Variants in SGO2 observed in about 807,000 individuals in gnomAD.
SGO2 encodes the protein shugoshin-like 2.
Under a neutral mutation model 99.5 loss-of-function variants are expected in SGO2, and 68 were observed. The ratio of observed to expected loss-of-function variants is 0.68; its 90% CI spans 0.56 to 0.84. The LOEUF (loss-of-function observed/expected upper bound fraction) is 0.84, where lower values mean the gene tolerates loss of function less well. Among genes scored for constraint, SGO2 ranks in the 40% least tolerant of loss-of-function variants. SGO2 has a pLI of 0.00. For missense variants in SGO2, 1,350 were observed against 1,436.7 expected (o/e 0.94, Z 0.97); for synonymous variants, 457 against 487.1 (o/e 0.94, Z 0.81).
chr2:200,557,777 C>T (rs2032775660), intron 5 of SGO2, among the ~76,000 whole-genome samples: 1 of 151,760 alleles, frequency 6.6e-6, no homozygotes, highest in African/African-American at 2.4e-5. Context: ...CCCTAACCTC[C>T]TAATATATAG....
chr2:200,569,298 T>G (rs1307712692), intron 5 of SGO2, among the ~76,000 whole-genome samples: 1 of 152,150 alleles, frequency 6.6e-6, no homozygotes, highest in Non-Finnish European at 1.5e-5. Context: ...GGAAGATTTT[T>G]GGGTATTACA....
chr2:200,534,991 T>C lies in SGO2; in HGVS notation c.134-5T>C, dbSNP rs757831843. Reference sequence around the variant, plus strand: ...TATTAACTCATTTTAAAAATCTTTTTACAGATAATTCTTCTATTTTCAAAA... The same window carrying C: ...TATTAACTCATTTTAAAAATCTTTTCACAGATAATTCTTCTATTTTCAAAA... On this transcript the variant is annotated splice_region_variant and splice_polypyrimidine_tract_variant and intron_variant, in intron 2 of 8. Transcript: ENST00000357799. 6.6e-7 allele frequency: 1 copy of C among 1,513,366 alleles called. No individual in the cohort carries two copies. Among genetic ancestry groups the C allele is most frequent in the South Asian group, 1.3e-5 (1 of 75,420 alleles). 93.7% of individuals were successfully genotyped at this position (1,513,366 alleles called of 1,614,324 possible).
chr2:200,538,521 G>T (rs2031808474), intron 4 of SGO2, among the ~76,000 whole-genome samples: 1 of 152,090 alleles, frequency 6.6e-6, no homozygotes, highest in Admixed American at 6.6e-5. Context: ...TGACAATTTT[G>T]TTTATTGTTC....
chr2:200,565,753 A>G (rs2033162048), intron 5 of SGO2, among the ~76,000 whole-genome samples: 1 of 151,982 alleles, frequency 6.6e-6, no homozygotes, highest in African/African-American at 2.4e-5. Context: ...TGGAGGCTTT[A>G]TTCATTTCTT....
Position 200,533,651 on chromosome 2 carries a change from A to C in SGO2, c.133+543A>C, listed in dbSNP as rs369672768. 5.9e-5 allele frequency among the ~76,000 whole-genome samples: 9 copies of C among 151,914 alleles called. No individual in the cohort carries two copies. In the East Asian group the frequency reaches 1.7e-3, roughly 29 times the overall value. ...AAGGCATCAGAAGGGCAAAAAAAAA[A>C]GGAGGTGGGAAAACTCCCCAAGATA... On this transcript the variant is annotated intron_variant, in intron 2 of 8. Transcript: ENST00000357799.
chr2:200,552,417 A>T (rs935475873), intron 5 of SGO2, among the ~76,000 whole-genome samples: 1 of 152,106 alleles, frequency 6.6e-6, no homozygotes, highest in Non-Finnish European at 1.5e-5. Flanking sequence ...TTTACTAGTA[A>T]AGTTAAGGAA....
At position 200,571,474 on chromosome 2, in the gene SGO2, C is replaced by T; in HGVS notation, c.1128C>T (p.Val376=). The T allele has an allele frequency of 1.2e-6, 2 of 1,610,024 alleles. No individual in the cohort carries two copies. Among genetic ancestry groups the T allele is most frequent in the Non-Finnish European group, 1.7e-6 (2 of 1,178,934 alleles). Reference sequence around the variant, plus strand: ...CTGCTAGTGAAGTCAGCAAAATTGTCACAGTCTCAACAGGCATTAAAAAGA... The same window carrying T: ...CTGCTAGTGAAGTCAGCAAAATTGTTACAGTCTCAACAGGCATTAAAAAGA... ...DLTASEVSKI[V]TVSTGIKKKS... The change falls in exon 7 of 9, where the codon GTC becomes GTT. Residue 376 remains valine (V), a synonymous_variant. Transcript: ENST00000357799.
At position 200,569,696 on chromosome 2, in the gene SGO2, A is replaced by G. The variant is rs772124643; in HGVS notation, c.507A>G (p.Glu169=). The change falls in exon 6 of 9, where the codon GAA becomes GAG. Residue 169 remains glutamate, a synonymous_variant. Transcript: ENST00000357799. The stretch of plus-strand genomic sequence containing the variant: ...TAACTTCAAATGATGATGAAGATGA[A>G]GATAAAGAGAAAATGCAGTGTGACA... The part of the protein sequence containing the change: ...VPLTSNDDED[E]DKEKMQCDNN... The G allele has an allele frequency of 7.5e-6, 12 of 1,610,644 alleles. No individual in the cohort carries two copies. In the South Asian group the frequency reaches 1.3e-4, roughly 18 times the overall value.
intron 7 of SGO2, among the ~76,000 whole-genome samples, chr2:200,574,383 G>A (rs939127706): frequency 5.9e-5 from 9 of 151,934 alleles, no homozygotes; most frequent in East Asian, 1.9e-4. Context: ...ATTCAACAAC[G>A]TATATTTAAT....
chr2:200,569,684 T>TGATGAA lies in SGO2; in HGVS notation c.505_510dup (p.Glu169_Asp170dup). On this transcript the variant is annotated inframe_insertion, in exon 6 of 9. Transcript: ENST00000357799. Reference sequence around the variant, plus strand: ...TTAGGGTTCCATTAACTTCAAATGATGATGAAGATGAAGATAAAGAGAAAA... The same window carrying TGATGAA: ...TTAGGGTTCCATTAACTTCAAATGATGATGAAGATGAAGATGAAGATAAAGAGAAAA... The TGATGAA allele has an allele frequency of 1.2e-6, 2 of 1,607,790 alleles. No individual in the cohort carries two copies. Among genetic ancestry groups the TGATGAA allele is most frequent in the Non-Finnish European group, 1.7e-6 (2 of 1,177,162 alleles).
intron 5 of SGO2, among the ~76,000 whole-genome samples, chr2:200,563,319 G>A (rs1182978900): frequency 6.6e-6 from 1 of 152,182 alleles, no homozygotes; most frequent in Non-Finnish European, 1.5e-5. Context: ...AGATAATCAT[G>A]TGGTTTTTGT....
Position 200,576,227 on chromosome 2 carries a change from C to T in SGO2, c.3782+766C>T, listed in dbSNP as rs5837751. 528 of 115,370 alleles carry T rather than the reference C, an allele frequency of 4.6e-3. 9 individuals carry two copies. The highest frequency in any genetic ancestry group is 6.0e-3 in the South Asian group (79 of 13,122). 7.1% of individuals were successfully genotyped at this position (115,370 alleles called of 1,614,324 possible). ...AAGGACCAAGGGGCCTTTTTTTTTT[C>T]TTTTTTCTTTTTTTTTTAAACAGCT... On this transcript the variant is annotated intron_variant, in intron 8 of 8. Coordinates refer to ENST00000357799, the MANE Select transcript of SGO2 (RefSeq NM_152524.6).
chr2:200,573,789 A>G lies in SGO2; in HGVS notation c.3443A>G (p.Gln1148Arg). 6.2e-7 allele frequency: 1 copy of G among 1,612,356 alleles called. No individual in the cohort carries two copies. The highest frequency in any genetic ancestry group is 8.5e-7 in the Non-Finnish European group (1 of 1,179,142). Residue 1148 changes from glutamine (Q) to arginine (R), a missense_variant, in exon 7 of 9, where the codon CAA becomes CGA. Coordinates refer to ENST00000357799, the MANE Select transcript of SGO2 (RefSeq NM_152524.6). ...SLSEIHSPNI[Q>R]DSSFDSVREG... ...TCTGAGATACATTCACCTAACATAC[A>G]AGATTCTTCCTTTGACAGTGTTCGT...
intron 4 of SGO2, among the ~76,000 whole-genome samples, chr2:200,536,394 A>G (rs2031691809): frequency 6.6e-6 from 1 of 152,160 alleles, no homozygotes; most frequent in Admixed American, 6.6e-5. Context: ...TGGCTCCTAA[A>G]TGGACTCAGA....
At chr2:200,528,178 G>A (rs1035257110) in intron 1 of SGO2, among the ~76,000 whole-genome samples, 1 of 152,238 alleles carries the variant, frequency 6.6e-6, no homozygotes, top group Non-Finnish European at 1.5e-5. Flanking sequence ...TTTAAAGATT[G>A]AGTGAGATGG....
intron 5 of SGO2, among the ~76,000 whole-genome samples, chr2:200,563,999 C>CA (rs1164266772): frequency 1.3e-5 from 2 of 151,922 alleles, no homozygotes; most frequent in Admixed American, 1.3e-4. Flanking sequence ...TTGATCTTTT[C>CA]AAAAAAACCA....
intron 5 of SGO2, among the ~76,000 whole-genome samples, chr2:200,559,126 T>A (rs957438553): frequency 6.6e-6 from 1 of 152,184 alleles, no homozygotes; most frequent in East Asian, 1.9e-4. Context: ...CTTTAATAGG[T>A]ATAAGAATAT....
rs1278449431 is a variant in SGO2 at position 200,571,870 on chromosome 2, A to C, written c.1524A>C (p.Gln508His). The C allele has an allele frequency of 6.8e-6, 11 of 1,613,482 alleles. No homozygotes were observed. The highest frequency in any genetic ancestry group is 3.3e-5 in the Admixed American group (2 of 59,946). Residue 508 changes from glutamine (Q) to histidine (H), a missense_variant, in exon 7 of 9, where the codon CAA becomes CAC. Physicochemically the swap from Gln to His is conservative, Grantham distance 24. Transcript: ENST00000357799. ...NEQEETYSLS[Q>H]SSGKFHQESK... ...AAGAGGAAACATACTCTTTATCCCAAAGTTCAGGTAAATTTCACCAGGAGA... is the reference window on the plus strand; with the variant it reads ...AAGAGGAAACATACTCTTTATCCCACAGTTCAGGTAAATTTCACCAGGAGA...
chr2:200,534,167 A>G (rs929033353), intron 2 of SGO2, among the ~76,000 whole-genome samples: 5 of 152,306 alleles, frequency 3.3e-5, no homozygotes, highest in African/African-American at 9.6e-5. Flanking sequence ...CACATACACT[A>G]GACTTTTATT....
Sources: allele counts gnomAD v4.1 joint callset (sites outside exome capture counted in the v4.1 genomes callset), GRCh38; gene constraint gnomAD v4.1.1; transcripts MANE v1.5; gene names NCBI Gene and HGNC (gene_info 2026-07-23, HGNC 2026-07-21).